Variants in FRMD4A observed in about 807,000 individuals in gnomAD.
FRMD4A encodes the protein FERM domain containing 4A.
FRMD4A carries 29 observed loss-of-function variants against 129.1 expected under a neutral mutation model. The ratio of observed to expected loss-of-function variants is 0.22; its 90% CI spans 0.17 to 0.31. The LOEUF (loss-of-function observed/expected upper bound fraction) is 0.31. Among genes scored for constraint, FRMD4A ranks in the 10% least tolerant of loss-of-function variants. The probability of loss-of-function intolerance (pLI) is 1.00; values close to 1 mark genes in which losing one functional copy is unlikely to be tolerated. For synonymous variants in FRMD4A, 634 were observed against 571.6 expected (o/e 1.11, Z -1.56); for missense variants, 1,272 against 1,375.8 (o/e 0.92, Z 1.19).
chr10:14,222,871 T>A (rs931772945), intron 2 of FRMD4A, among the ~76,000 whole-genome samples: 1 of 152,174 alleles, frequency 6.6e-6, no homozygotes, highest in African/African-American at 2.4e-5. Flanking sequence ...GCAGATCACC[T>A]GAGCTCAGGA....
intron 6 of FRMD4A, among the ~76,000 whole-genome samples, chr10:13,773,475 G>C (rs2092514903): frequency 6.6e-6 from 1 of 152,222 alleles, no homozygotes; most frequent in Admixed American, 6.5e-5. Context: ...GTACTTCTCT[G>C]AGGAACTGAA....
At chr10:14,118,296 G>A (rs17325064) in intron 2 of FRMD4A, among the ~76,000 whole-genome samples, 24,419 of 152,118 alleles carry the variant, frequency 0.16, 2,517 homozygotes, top group South Asian at 0.28. Context: ...AGAGAGAGCC[G>A]TTCTTGGTAG....
intron 2 of FRMD4A, among the ~76,000 whole-genome samples, chr10:14,050,449 G>T (rs759804946): frequency 6.6e-6 from 1 of 152,178 alleles, no homozygotes; most frequent in African/African-American, 2.4e-5. Flanking sequence ...TACCATTGTG[G>T]TATAATAAAA....
chr10:13,956,616 C>T (rs1260065145), intron 2 of FRMD4A, among the ~76,000 whole-genome samples: 1 of 152,154 alleles, frequency 6.6e-6, no homozygotes, highest in Non-Finnish European at 1.5e-5. Context: ...CACCAAGGCT[C>T]ATCTTGTGTA....
intron 16 of FRMD4A, among the ~76,000 whole-genome samples, chr10:13,673,532 C>T (rs568105664): frequency 9.2e-5 from 14 of 152,294 alleles, no homozygotes; most frequent in African/African-American, 3.4e-4. Context: ...CCCTGGAGAG[C>T]TCCCACCCCA....
At chr10:14,064,759 G>A (rs1049004328) in intron 2 of FRMD4A, among the ~76,000 whole-genome samples, 3 of 152,044 alleles carry the variant, frequency 2.0e-5, no homozygotes, top group Non-Finnish European at 4.4e-5. Flanking sequence ...TGTATTTTTA[G>A]TAGAGACAGG....
intron 2 of FRMD4A, among the ~76,000 whole-genome samples, chr10:14,200,694 GAACCTTCC>G (rs1335829820): frequency 6.6e-6 from 1 of 152,162 alleles, no homozygotes; most frequent in East Asian, 1.9e-4. Flanking sequence ...CTTCTCTCTG[GAACCTTCC>G]ATACAGTCTG....
chr10:14,274,777 A>G (rs780075342), intron 2 of FRMD4A, among the ~76,000 whole-genome samples: 1 of 152,154 alleles, frequency 6.6e-6, no homozygotes, highest in Non-Finnish European at 1.5e-5. Flanking sequence ...TGTCCAGCCC[A>G]ATTCCACGTC....
intron 2 of FRMD4A, among the ~76,000 whole-genome samples, chr10:14,146,663 A>T (rs1046869014): frequency 6.6e-6 from 1 of 152,160 alleles, no homozygotes; most frequent in African/African-American, 2.4e-5. Flanking sequence ...TATGACACTA[A>T]TGACTCAACA....
chr10:14,244,444 ATT>A (rs1844162248), intron 2 of FRMD4A, among the ~76,000 whole-genome samples: 1 of 152,228 alleles, frequency 6.6e-6, no homozygotes, highest in Non-Finnish European at 1.5e-5. Flanking sequence ...ATCTATGCGG[ATT>A]ACATTGCCTG....
chr10:13,996,993 A>AAAAC (rs2095624831), intron 2 of FRMD4A, among the ~76,000 whole-genome samples: 1 of 41,758 alleles, frequency 2.4e-5, no homozygotes, highest in Admixed American at 3.7e-4. Context: ...GAGGCAAAAC[A>AAAAC]AAACAAAACA....
intron 2 of FRMD4A, among the ~76,000 whole-genome samples, chr10:13,888,743 A>G (rs186802135): frequency 9.9e-4 from 151 of 152,346 alleles, no homozygotes; most frequent in Middle Eastern, 3.4e-3. Flanking sequence ...AGACATATGA[A>G]TTGAAGTTAC....
chr10:13,950,962 G>A (rs1398718994), intron 2 of FRMD4A, among the ~76,000 whole-genome samples: 1 of 152,174 alleles, frequency 6.6e-6, no homozygotes, highest in African/African-American at 2.4e-5. Context: ...GAGATTCGAA[G>A]GGAGTAGAGA....
chr10:14,005,625 A>C (rs2095659538), intron 2 of FRMD4A, among the ~76,000 whole-genome samples: 1 of 152,202 alleles, frequency 6.6e-6, no homozygotes, highest in Non-Finnish European at 1.5e-5. Context: ...ATGCGAACAC[A>C]GGTAACGAGT....
At chr10:14,009,538 C>G (rs1380032012) in intron 2 of FRMD4A, among the ~76,000 whole-genome samples, 1 of 152,142 alleles carries the variant, frequency 6.6e-6, no homozygotes, top group Non-Finnish European at 1.5e-5. Flanking sequence ...TATTCAAACA[C>G]ACCTAATAGG....
chr10:14,148,038 GATAAACTC>G (rs1444784913), intron 2 of FRMD4A, among the ~76,000 whole-genome samples: 2 of 152,096 alleles, frequency 1.3e-5, no homozygotes, highest in Non-Finnish European at 2.9e-5. Context: ...TGTCTGGGAC[GATAAACTC>G]AGTAATATTG....
chr10:14,315,375 T>C (rs767356925), intron 2 of FRMD4A, among the ~76,000 whole-genome samples: 1 of 152,176 alleles, frequency 6.6e-6, no homozygotes, highest in East Asian at 1.9e-4. Context: ...TAGAAACCTA[T>C]TTCTTCTGTG....
chr10:13,969,142 C>T (rs965527263), intron 2 of FRMD4A, among the ~76,000 whole-genome samples: 9 of 152,362 alleles, frequency 5.9e-5, no homozygotes, highest in East Asian at 3.9e-4. Context: ...CCAGGCCCCT[C>T]GGCCTGGCTC....
chr10:13,693,684 GC>G, intron 15 of FRMD4A: 1 of 678,658 alleles, frequency 1.5e-6, no homozygotes, highest in Non-Finnish European at 2.5e-6. Flanking sequence ...TTCTACTGAT[GC>G]TTTTTTTTTT....
Sources: allele counts gnomAD v4.1 joint callset (sites outside exome capture counted in the v4.1 genomes callset), GRCh38; gene constraint gnomAD v4.1.1; transcripts MANE v1.5; gene names NCBI Gene and HGNC (gene_info 2026-07-23, HGNC 2026-07-21).